Variants in NPHS1 observed in about 807,000 individuals in gnomAD.
NPHS1 encodes the protein nephrin.
Under a neutral mutation model 139.7 loss-of-function variants are expected in NPHS1, and 107 were observed. The ratio of observed to expected loss-of-function variants is 0.77; its 90% CI spans 0.66 to 0.90. The LOEUF (loss-of-function observed/expected upper bound fraction) is 0.90, where lower values mean the gene tolerates loss of function less well. Among genes scored for constraint, NPHS1 ranks in the 40% least tolerant of loss-of-function variants. The pLI is 0.00. For missense variants in NPHS1, 1,580 were observed against 1,654.2 expected (o/e 0.96, Z 0.78); for synonymous variants, 707 against 706.6 (o/e 1.00, Z -0.01).
Position 35,826,553 on chromosome 19 carries a change from G to C in NPHS1, c.3687C>G (p.Pro1229=). ...CCCTCAGCTCGAAGGGCAGAGAATC[G>C]GGTTCCAGAGTGTCCAAGTCTCCGG... ...QVAGDLDTLE[P]DSLPFELRGH... The change falls in exon 29 of 29, where the codon CCC becomes CCG. Residue 1229 remains proline, a synonymous_variant. Transcript: ENST00000378910. 1.2e-6 allele frequency: 2 copies of C among 1,613,926 alleles called. No individual in the cohort carries two copies. The highest frequency in any genetic ancestry group is 1.7e-6 in the Non-Finnish European group (2 of 1,179,986).
Position 35,826,567 on chromosome 19 carries a change from C to T in NPHS1, c.3673G>A (p.Asp1225Asn). ...GGCAGAGAATCGGGTTCCAGAGTGT[C>T]CAAGTCTCCGGCCACCTGGTCATAG... ...GIYDQVAGDL[D>N]TLEPDSLPFE... The change falls in exon 29 of 29, where the codon GAC becomes AAC. Residue 1225 changes from aspartate to asparagine, a missense_variant. Physicochemically the swap from Asp to Asn is conservative, Grantham distance 23. Transcript: ENST00000378910. The T allele has an allele frequency of 1.2e-6, 2 of 1,613,968 alleles. No individual in the cohort carries two copies. Among genetic ancestry groups the T allele is most frequent in the African/African-American group, 2.7e-5 (2 of 74,998 alleles).
rs761152159 is a variant in NPHS1 at position 35,851,489 on chromosome 19, G to A, written c.242C>T (p.Pro81Leu). The change falls in exon 2 of 29, where the codon CCG becomes CTG. Residue 81 changes from proline (P) to leucine (L), a missense_variant. By Grantham distance (98) the Pro-to-Leu change is moderately conservative. Coordinates refer to ENST00000378910, the MANE Select transcript of NPHS1 (RefSeq NM_004646.4). ...AGGGTCCCCTTCCAGGCGGTACCTC[G>A]GGAAGCCTGGGATCCTGGGGTCGGG... ...LGPDPRIPGF[P>L]RYRLEGDPAR... 18 of 1,613,478 alleles carry A rather than the reference G, an allele frequency of 1.1e-5. No individual in the cohort carries two copies. Among genetic ancestry groups the A allele is most frequent in the African/African-American group, 2.7e-5 (2 of 74,920 alleles).
intron 17 of NPHS1, 132 bp from the exon 18 acceptor site, chr19:35,842,682 TCTC>T: frequency 1.2e-6 from 1 of 855,756 alleles, no homozygotes; most frequent in Non-Finnish European, 1.9e-6. Flanking sequence ...AAAAAAAAAT[TCTC>T]CTGTCATCCA....
intron 28 of NPHS1, among the ~76,000 whole-genome samples, chr19:35,830,192 C>T (rs938891201): frequency 6.6e-6 from 1 of 152,244 alleles, no homozygotes; most frequent in Non-Finnish European, 1.5e-5. Context: ...TTCACAGCCT[C>T]CTTTGCCGTC....
chr19:35,848,808 G>A lies in NPHS1; in HGVS notation c.1013-14C>T. 2 of 1,614,202 alleles carry A rather than the reference G, an allele frequency of 1.2e-6. No homozygotes were observed. The highest frequency in any genetic ancestry group is 1.1e-5 in the South Asian group (1 of 91,082). On this transcript the variant is annotated splice_polypyrimidine_tract_variant and intron_variant, in intron 8 of 28. Coordinates refer to ENST00000378910, the MANE Select transcript of NPHS1 (RefSeq NM_004646.4). ...CACTAGGGGGAACTGCAGGGACAGAGAAGGAAGACACTAAGCTGGGCTGGA... is the reference window on the plus strand; with the variant it reads ...CACTAGGGGGAACTGCAGGGACAGAAAAGGAAGACACTAAGCTGGGCTGGA...
chr19:35,837,587 T>TTC (rs58943001), intron 22 of NPHS1, among the ~76,000 whole-genome samples: 3,874 of 149,222 alleles, frequency 0.026, 129 homozygotes, highest in East Asian at 0.094. Flanking sequence ...GCTTCTTTCT[T>TTC]TCTCTCTCTC....
At chr19:35,833,229 C>T (rs1475880531) in intron 23 of NPHS1, among the ~76,000 whole-genome samples, 1 of 152,004 alleles carries the variant, frequency 6.6e-6, no homozygotes, top group Non-Finnish European at 1.5e-5. Context: ...CCATCCCAGC[C>T]AATATCAGGC....
At chr19:35,844,294 C>T in intron 15 of NPHS1, 25 bp downstream of exon 15, 2 of 1,613,960 alleles carry the variant, frequency 1.2e-6, no homozygotes, top group Non-Finnish European at 1.7e-6. Context: ...TCCCCGGGAC[C>T]CCTCCCCATG....
At position 35,851,398 on chromosome 19, in the gene NPHS1, CG is replaced by C; in HGVS notation, c.275-15del. On this transcript the variant is annotated splice_polypyrimidine_tract_variant and intron_variant, in intron 2 of 28. Transcript: ENST00000378910. ...GGTGGAATTCACCTGCAGGGGGAGC[CG>C]GAAGTCAGGGCCGCAGCTTCCGCTG... 6.2e-7 allele frequency: 1 copy of C among 1,612,778 alleles called. No individual in the cohort carries two copies. Among genetic ancestry groups the C allele is most frequent in the Non-Finnish European group, 8.5e-7 (1 of 1,179,606 alleles).
rs1365171551 is a variant in NPHS1, at chr19:35,825,785, G to A, written c.*729C>T. On this transcript the variant is annotated 3_prime_UTR_variant, in exon 29 of 29. Transcript: ENST00000378910. ...GTCGGAAATAATAAAATAATAGGTA[G>A]GATGCAACATGGATTCATAAATTCC... Among the ~76,000 whole-genome samples, 1 of 152,106 alleles carries A rather than the reference G, an allele frequency of 6.6e-6. No homozygotes were observed. Among genetic ancestry groups the A allele is most frequent in the Non-Finnish European group, 1.5e-5 (1 of 68,026 alleles).
chr19:35,848,477 C>T (rs1212957485), intron 9 of NPHS1, 80 bp from the exon 10 acceptor site: 17 of 1,603,748 alleles, frequency 1.1e-5, no homozygotes, highest in Non-Finnish European at 1.4e-5. Context: ...ATCCCAGTCC[C>T]CAGCAGGGAC....
Position 35,848,026 on chromosome 19 carries a change from T to G in NPHS1, c.1440+15A>C. ...ACATTCCTGGCCACCCCCATAGCCCTGGCGTGGCACCAACCTTGTACCACA... is the reference window on the plus strand; with the variant it reads ...ACATTCCTGGCCACCCCCATAGCCCGGGCGTGGCACCAACCTTGTACCACA... On this transcript the variant is annotated intron_variant, in intron 11 of 28. Coordinates refer to ENST00000378910, the MANE Select transcript of NPHS1 (RefSeq NM_004646.4). 1 of 1,613,356 alleles carries G rather than the reference T, an allele frequency of 6.2e-7. No homozygotes were observed. Among genetic ancestry groups the G allele is most frequent in the African/African-American group, 1.3e-5 (1 of 75,048 alleles).
chr19:35,833,722 G>T (rs1030487141), intron 23 of NPHS1, among the ~76,000 whole-genome samples: 1 of 151,864 alleles, frequency 6.6e-6, no homozygotes, highest in Non-Finnish European at 1.5e-5. Context: ...TTGAGACAGG[G>T]TCTCAACTCT....
rs1973188683 is a variant in NPHS1 at position 35,849,076 on chromosome 19, C to T, written c.912G>A (p.Met304Ile). Residue 304 changes from methionine (M) to isoleucine (I), a missense_variant, in exon 8 of 29, where the codon ATG becomes ATA. Coordinates refer to ENST00000378910, the MANE Select transcript of NPHS1 (RefSeq NM_004646.4). Reference protein sequence around the residue: ...TQAVARSVLVMTVRPEDHGAQ... With the variant: ...TQAVARSVLVITVRPEDHGAQ... ...CTCCATGGTCTTCTGGCCTCACGGTCATCACCAGCACACTGCGGGCCACCG... is the reference window on the plus strand; with the variant it reads ...CTCCATGGTCTTCTGGCCTCACGGTTATCACCAGCACACTGCGGGCCACCG... 6.2e-7 allele frequency: 1 copy of T among 1,610,668 alleles called. No homozygotes were observed. Among genetic ancestry groups the T allele is most frequent in the Non-Finnish European group, 8.5e-7 (1 of 1,180,032 alleles).
intron 17 of NPHS1, 45 bp downstream of exon 17, chr19:35,843,427 C>G: frequency 6.2e-7 from 1 of 1,612,408 alleles, no homozygotes; most frequent in East Asian, 2.2e-5. Flanking sequence ...CAAGAAACCA[C>G]AACCCCTTGA....
intron 17 of NPHS1, 58 bp from the exon 18 acceptor site, chr19:35,842,608 C>A: frequency 6.4e-7 from 1 of 1,550,554 alleles, no homozygotes. Context: ...CCATCACTGC[C>A]CAAATTGTCC....
chr19:35,827,969 G>A (rs569123091), intron 28 of NPHS1, among the ~76,000 whole-genome samples: 129 of 152,244 alleles, frequency 8.5e-4, no homozygotes, highest in African/African-American at 3.0e-3. Flanking sequence ...AAAAGTCCAT[G>A]TTATCAGGTA....
At position 35,848,140 on chromosome 19, in the gene NPHS1, C is replaced by T. The variant is rs766299951; in HGVS notation, c.1341G>A (p.Glu447=). ...VKYPAQKLWI[E]GPPEGQKLRA... The stretch of plus-strand genomic sequence containing the variant: ...GGAGCTTCTGGCCCTCTGGGGGACC[C>T]TCAATCCACAGTTTCTGGGCGGGAT... The change falls in exon 11 of 29, where the codon GAG becomes GAA. Residue 447 remains glutamate (E), a synonymous_variant. Transcript: ENST00000378910. 6 of 1,614,100 alleles carry T rather than the reference C, an allele frequency of 3.7e-6. No individual in the cohort carries two copies. The South Asian group carries it at 5.5e-5, about 15-fold the overall frequency.
Position 35,845,818 on chromosome 19 carries a change from G to C in NPHS1, c.1628-20C>G. ...GGGGAACTGGGAGACGGGGTTGGAG[G>C]AGCGAGACTCAGAGGTTAGGGGCGG... On this transcript the variant is annotated intron_variant, in intron 12 of 28. Transcript: ENST00000378910. The surrounding 1 kb of genome is among the most constrained non-coding windows in gnomAD (Gnocchi z 5.5). The C allele has an allele frequency of 6.2e-7, 1 of 1,610,136 alleles. No homozygotes were observed. Among genetic ancestry groups the C allele is most frequent in the Middle Eastern group, 1.8e-4 (1 of 5,664 alleles).
Sources: allele counts gnomAD v4.1 joint callset (sites outside exome capture counted in the v4.1 genomes callset), GRCh38; gene constraint gnomAD v4.1.1; non-coding constraint Gnocchi (gnomAD v3.1); transcripts MANE v1.5; gene names NCBI Gene and HGNC (gene_info 2026-07-23, HGNC 2026-07-21).